Variants in FIP1L1 observed in about 807,000 individuals in gnomAD.
FIP1L1 encodes the protein pre-mRNA 3'-end-processing factor FIP1.
In FIP1L1, 21 loss-of-function variants were observed where a neutral mutation model predicts 84.6. The ratio of observed to expected loss-of-function variants is 0.25; its 90% CI spans 0.18 to 0.36. FIP1L1 has a LOEUF of 0.36. FIP1L1 is among the 10% of genes least tolerant of loss of function. The pLI is 1.00. For missense variants in FIP1L1, 526 were observed against 751.1 expected, an observed-to-expected ratio of 0.70 and a Z score of 3.50; for synonymous variants, 263 against 242.3, an observed-to-expected ratio of 1.09 and a Z score of -0.80.
At chr4:53,403,212 G>A (rs1751216113) in intron 10 of FIP1L1, among the ~76,000 whole-genome samples, 1 of 151,946 alleles carries the variant, frequency 6.6e-6, no homozygotes, top group African/African-American at 2.4e-5. Flanking sequence ...ATATGCTGAT[G>A]GGAATGAGTT....
intron 3 of FIP1L1, among the ~76,000 whole-genome samples, chr4:53,381,204 A>G (rs1219974704): frequency 1.3e-5 from 2 of 152,216 alleles, no homozygotes; most frequent in African/African-American, 2.4e-5. Flanking sequence ...TAAAACTTCC[A>G]AAAGAGTAGG....
chr4:53,391,178 A>G (rs762112516), intron 8 of FIP1L1, 39 bp downstream of exon 8: 16 of 1,571,356 alleles, frequency 1.0e-5, no homozygotes, highest in South Asian at 4.8e-5. Context: ...TGGCTTGTCT[A>G]CCGTCCCACT....
At chr4:53,382,470 C>A in intron 4 of FIP1L1, 135 bp downstream of exon 4, 1 of 645,280 alleles carries the variant, frequency 1.5e-6, no homozygotes. Flanking sequence ...ACATCTCCTA[C>A]TTCATCTGGT....
At chr4:53,427,388 G>A (rs1266037454) in intron 12 of FIP1L1, among the ~76,000 whole-genome samples, 2 of 152,220 alleles carry the variant, frequency 1.3e-5, no homozygotes, top group African/African-American at 4.8e-5. Flanking sequence ...GCTTCTTATG[G>A]TGCCTGTCCC....
rs367755508 is a variant in FIP1L1 at position 53,415,341 on chromosome 4, T to C, written c.923+619T>C. On this transcript the variant is annotated intron_variant, in intron 11 of 17. Coordinates refer to ENST00000337488, the MANE Select transcript of FIP1L1 (RefSeq NM_030917.4). ...TCTCTGAGCCTGAAAATTGAAATAA[T>C]AACTTCATCTTTAAGGGATGCAATG... is the stretch of plus-strand genomic sequence containing the variant. 4.6e-5 allele frequency among the ~76,000 whole-genome samples: 7 copies of C among 152,302 alleles called. No homozygotes were observed. The East Asian group carries it at 1.2e-3, about 25-fold the overall frequency.
intron 10 of FIP1L1, among the ~76,000 whole-genome samples, chr4:53,403,855 G>A (rs1344484769): frequency 6.6e-6 from 1 of 152,044 alleles, no homozygotes; most frequent in Admixed American, 6.5e-5. Context: ...GGTTGTGCTG[G>A]TATTCAGAAA....
At position 53,382,492 on chromosome 4, in the gene FIP1L1, CAT is replaced by C. The variant is rs373545678; in HGVS notation, c.228+163_228+164del. ...CTACTTCATCTGGTGCCATCAAAAA[CAT>C]ATATAGGAATTAAAATGAGGAAAAG... On this transcript the variant is annotated intron_variant, in intron 4 of 17. Transcript: ENST00000337488. 1.8e-4 allele frequency among the ~76,000 whole-genome samples: 28 copies of C among 152,310 alleles called. No individual in the cohort carries two copies. The East Asian group carries it at 4.4e-3, about 24-fold the overall frequency.
intron 17 of FIP1L1, 25 bp from the exon 18 acceptor site, chr4:53,459,277 C>CTTTTTTTTTT: frequency 1.0e-6 from 1 of 974,280 alleles, no homozygotes; most frequent in Non-Finnish European, 1.4e-6. Context: ...CAGAACACAC[C>CTTTTTTTTTT]TTTTTTTTTT....
chr4:53,451,091 A>G (rs1371809335), intron 15 of FIP1L1, among the ~76,000 whole-genome samples: 3 of 151,490 alleles, frequency 2.0e-5, no homozygotes, highest in East Asian at 3.9e-4. Context: ...CAGCCTTCCA[A>G]ATAGCTGGGA....
intron 11 of FIP1L1, among the ~76,000 whole-genome samples, chr4:53,422,000 C>G (rs1471231110): frequency 2.0e-5 from 3 of 152,232 alleles, no homozygotes; most frequent in Admixed American, 6.5e-5. Context: ...CGTTGTTTTG[C>G]TTCCCCTGAT....
intron 14 of FIP1L1, among the ~76,000 whole-genome samples, chr4:53,443,477 A>G (rs17656616): frequency 0.13 from 19,306 of 152,178 alleles, 1,307 homozygotes; most frequent in Non-Finnish European, 0.16. Context: ...TGTGTTTCTG[A>G]AAAAATGATT....
intron 10 of FIP1L1, among the ~76,000 whole-genome samples, chr4:53,410,541 A>G (rs1756669753): frequency 6.6e-6 from 1 of 152,158 alleles, no homozygotes; most frequent in Non-Finnish European, 1.5e-5. Context: ...TTTATGACCC[A>G]TTTTGAACTT....
At chr4:53,424,407 A>C (rs1395097658) in intron 11 of FIP1L1, among the ~76,000 whole-genome samples, 1 of 152,078 alleles carries the variant, frequency 6.6e-6, no homozygotes, top group East Asian at 1.9e-4. Context: ...GAATATTAAG[A>C]TCTTTCCCCA....
chr4:53,420,743 ACCAGTC>A (rs1217107853), intron 11 of FIP1L1, among the ~76,000 whole-genome samples: 2 of 152,172 alleles, frequency 1.3e-5, no homozygotes, highest in Admixed American at 1.3e-4. Flanking sequence ...ACCATTTCAG[ACCAGTC>A]ATGTTGCCCG....
At chr4:53,396,386 A>G (rs1425846726) in intron 9 of FIP1L1, among the ~76,000 whole-genome samples, 2 of 146,098 alleles carry the variant, frequency 1.4e-5, no homozygotes, top group Admixed American at 1.4e-4. Flanking sequence ...ATGTTGAGAT[A>G]AAATGAACTA....
chr4:53,456,996 ATATT>A (rs1040009873), intron 16 of FIP1L1, among the ~76,000 whole-genome samples: 2 of 152,126 alleles, frequency 1.3e-5, no homozygotes, highest in Non-Finnish European at 2.9e-5. Flanking sequence ...GAAGTTAACT[ATATT>A]TATTTCCTAT....
At chr4:53,458,357 G>GA (rs1427483152) in intron 16 of FIP1L1, among the ~76,000 whole-genome samples, 1 of 151,946 alleles carries the variant, frequency 6.6e-6, no homozygotes, top group Non-Finnish European at 1.5e-5. Flanking sequence ...TTCAAGAAAT[G>GA]AAAAAACCAA....
intron 10 of FIP1L1, among the ~76,000 whole-genome samples, chr4:53,405,162 A>C (rs1285209717): frequency 2.6e-5 from 4 of 152,124 alleles, no homozygotes; most frequent in Non-Finnish European, 5.9e-5. Context: ...TAAGTCTTTA[A>C]TCCATCTTGA....
At chr4:53,411,088 T>G (rs1757008136) in intron 10 of FIP1L1, among the ~76,000 whole-genome samples, 1 of 152,084 alleles carries the variant, frequency 6.6e-6, no homozygotes, top group Non-Finnish European at 1.5e-5. Flanking sequence ...GGTATATGAG[T>G]GTTTATGAAG....
Sources: allele counts gnomAD v4.1 joint callset (sites outside exome capture counted in the v4.1 genomes callset), GRCh38; gene constraint gnomAD v4.1.1; transcripts MANE v1.5; gene names NCBI Gene and HGNC (gene_info 2026-07-23, HGNC 2026-07-21).